INPP5K: variants seen among roughly 807,000 people sequenced by gnomAD.
INPP5K encodes the protein inositol polyphosphate-5-phosphatase K.
In INPP5K, 35 loss-of-function variants were observed where a neutral mutation model predicts 53.5. The ratio of observed to expected loss-of-function variants is 0.65; its 90% CI spans 0.50 to 0.87. INPP5K has a LOEUF of 0.87. Among genes scored for constraint, INPP5K ranks in the 40% least tolerant of loss-of-function variants. The pLI is 0.00. For synonymous variants in INPP5K, 253 were observed against 232.8 expected (o/e 1.09, Z -0.79); for missense variants, 550 against 586.2 (o/e 0.94, Z 0.64).
intron 8 of INPP5K, among the ~76,000 whole-genome samples, chr17:1,497,214 G>A (rs973557671): frequency 1.3e-5 from 2 of 152,222 alleles, no homozygotes; most frequent in South Asian, 2.1e-4. Context: ...GGCCAGGCAC[G>A]GTGGCTCACA....
At chr17:1,512,194 T>C (rs1187755873) in intron 3 of INPP5K, among the ~76,000 whole-genome samples, 2 of 152,230 alleles carry the variant, frequency 1.3e-5, no homozygotes, top group Non-Finnish European at 2.9e-5. Context: ...GCTGTGTCTC[T>C]GCCACAAGTT....
At chr17:1,506,469 AAT>A (rs1297530740) in intron 7 of INPP5K, among the ~76,000 whole-genome samples, 1 of 152,220 alleles carries the variant, frequency 6.6e-6, no homozygotes, top group Non-Finnish European at 1.5e-5. Context: ...CTTTGGCTAA[AAT>A]AAGACAGAGC....
intron 1 of INPP5K, chr17:1,515,435 T>C: frequency 1.0e-6 from 1 of 985,476 alleles, no homozygotes; most frequent in Non-Finnish European, 1.2e-6. Flanking sequence ...ACAGATGTCT[T>C]TAGTGGAACA....
At chr17:1,495,900 GTGGAAATGGAGAGC>G in intron 11 of INPP5K, 21 bp from the exon 12 acceptor site, 2 of 1,602,262 alleles carry the variant, frequency 1.2e-6, no homozygotes, top group Non-Finnish European at 1.7e-6. Flanking sequence ...AAAGCAGGTG[GTGGAAATGGAGAGC>G]GGGTCTTCCT....
At chr17:1,500,501 A>T (rs1297702236) in intron 7 of INPP5K, among the ~76,000 whole-genome samples, 1 of 152,022 alleles carries the variant, frequency 6.6e-6, no homozygotes, top group East Asian at 1.9e-4. Context: ...AATAGCTGGG[A>T]TTACAGGCGC....
At chr17:1,515,444 C>G (rs1468848454) in intron 1 of INPP5K, 5 of 985,540 alleles carry the variant, frequency 5.1e-6, no homozygotes, top group Non-Finnish European at 6.0e-6. Context: ...TTTAGTGGAA[C>G]AGTCAGTCAC....
chr17:1,515,515 C>G (rs2075413790), intron 1 of INPP5K: 1 of 985,522 alleles, frequency 1.0e-6, no homozygotes, highest in Admixed American at 6.1e-5. Flanking sequence ...GCTACAGACC[C>G]TGCAGAGACC....
At chr17:1,511,205 A>T (rs1299785732) in intron 3 of INPP5K, among the ~76,000 whole-genome samples, 2 of 152,188 alleles carry the variant, frequency 1.3e-5, no homozygotes, top group African/African-American at 4.8e-5. Context: ...ACTCCTGCCA[A>T]GCCTGTAAGG....
chr17:1,500,772 T>TG (rs2074991118), intron 7 of INPP5K, among the ~76,000 whole-genome samples: 1 of 152,196 alleles, frequency 6.6e-6, no homozygotes, highest in African/African-American at 2.4e-5. Flanking sequence ...ACTTAGCTGT[T>TG]GGAGTGTCCT....
intron 7 of INPP5K, among the ~76,000 whole-genome samples, chr17:1,502,907 T>C (rs1303546465): frequency 2.0e-5 from 3 of 151,900 alleles, no homozygotes; most frequent in Non-Finnish European, 4.4e-5. Flanking sequence ...TTTTTTTCTT[T>C]TTAAGACAGG....
At chr17:1,513,600 A>G in intron 2 of INPP5K, 39 bp from the exon 3 acceptor site, 2 of 1,535,152 alleles carry the variant, frequency 1.3e-6, no homozygotes, top group South Asian at 1.1e-5. Flanking sequence ...CCTGGCCTCC[A>G]GGCTACTTCC....
At chr17:1,508,589 G>A (rs1188480998) in intron 5 of INPP5K, 6 of 306,442 alleles carry the variant, frequency 2.0e-5, no homozygotes, top group Non-Finnish European at 3.7e-5. Flanking sequence ...CAGACGGGCT[G>A]GAGGAAGGGG....
chr17:1,509,123 G>A, intron 5 of INPP5K, 55 bp downstream of exon 5: 1 of 1,298,048 alleles, frequency 7.7e-7, no homozygotes, highest in Non-Finnish European at 1.0e-6. Context: ...GTGGGGGTTA[G>A]TGGGGGTTAG....
intron 9 of INPP5K, 128 bp from the exon 10 acceptor site, chr17:1,496,530 C>A (rs537996507): frequency 8.9e-5 from 122 of 1,378,248 alleles, no homozygotes; most frequent in Admixed American, 5.5e-4. Context: ...CCCTTCACTG[C>A]CAGCCTTTAG....
chr17:1,508,040 C>T (rs1004865383), intron 6 of INPP5K, 75 bp downstream of exon 6: 16 of 1,060,492 alleles, frequency 1.5e-5, no homozygotes, highest in Non-Finnish European at 1.8e-5. Context: ...GGGCATCTAG[C>T]AACACTCTGC....
Position 1,516,441 on chromosome 17 carries a change from C to T in INPP5K, c.44+15G>A, listed in dbSNP as rs768895806. 2.5e-5 allele frequency: 40 copies of T among 1,590,034 alleles called. No individual in the cohort carries two copies. In the South Asian group the frequency reaches 3.8e-4, roughly 15 times the overall value. On this transcript the variant is annotated intron_variant, in intron 1 of 11. Coordinates refer to ENST00000421807, the MANE Select transcript of INPP5K (RefSeq NM_016532.4). ...CCCCCGAGCAGGCCTGCCTCTGCCG[C>T]CAGGGTGCCCTCACCTGAGCCTCCT...
chr17:1,503,308 C>T (rs1337577554), intron 7 of INPP5K, among the ~76,000 whole-genome samples: 5 of 151,176 alleles, frequency 3.3e-5, no homozygotes, highest in African/African-American at 4.9e-5. Context: ...CTCAGCCTCC[C>T]GAGTAGCTGG....
intron 4 of INPP5K, 115 bp downstream of exon 4, chr17:1,509,568 C>T (rs755412860): frequency 2.3e-5 from 21 of 897,646 alleles, no homozygotes; most frequent in Non-Finnish European, 3.1e-5. Context: ...AAAGAACAAA[C>T]ATGCATTGGG....
rs2074834204 is a variant in INPP5K, at chr17:1,496,257, A to G, written c.1185+62T>C. ...AGTTATTCAGCACTCTGTTCCTTCC[A>G]CAAGACAGGAGTGCTGAGGCAGGCC... On this transcript the variant is annotated intron_variant, in intron 10 of 11. Transcript: ENST00000421807. 2.7e-6 allele frequency: 4 copies of G among 1,502,280 alleles called. No individual in the cohort carries two copies. The East Asian group carries it at 7.3e-5, about 27-fold the overall frequency. The allele number at this position is 1,502,280 out of a possible 1,614,324, so 93.1% of individuals were successfully genotyped here.
Sources: gnomAD v4.1 joint callset for allele counts (sites outside exome capture counted in the v4.1 genomes callset) on GRCh38, gnomAD v4.1.1 for gene constraint, MANE v1.5 for transcripts, NCBI Gene and HGNC (gene_info 2026-07-23, HGNC 2026-07-21) for gene names.